The following ICAM5 variants were observed in gnomAD, a reference collection of about 807,000 sequenced individuals.
ICAM5 encodes the protein intercellular adhesion molecule 5, also known as ICAM-5.
A neutral mutation model predicts 78.8 loss-of-function variants in ICAM5; 38 were observed. That is an observed-to-expected ratio of 0.48 (90% CI 0.37 to 0.63). The LOEUF (loss-of-function observed/expected upper bound fraction) is 0.63, where lower values mean the gene tolerates loss of function less well. Among genes scored for constraint, ICAM5 ranks in the 30% least tolerant of loss-of-function variants. ICAM5 has a pLI of 0.00. For missense variants in ICAM5, 1,059 were observed against 1,303.0 expected, an observed-to-expected ratio of 0.81 and a Z score of 2.88; for synonymous variants, 544 against 590.9, an observed-to-expected ratio of 0.92 and a Z score of 1.15.
chr19:10,290,175 T>C lies in ICAM5; in HGVS notation c.82+50T>C, dbSNP rs2040159334. On this transcript the variant is annotated intron_variant, in intron 1 of 10. Transcript: ENST00000221980. This position sits in a 1 kb window ranked among gnomAD's most constrained non-coding sequence, Gnocchi z 5.7. ...GTGGACAGGGCGGGGGCGGAGTCCC[T>C]GGACCTGAGAAACGGCCTCCTGTCC... 1 of 1,364,340 alleles carries C rather than the reference T, an allele frequency of 7.3e-7. No individual in the cohort carries two copies. The allele number at this position is 1,364,340 out of a possible 1,614,324, so 84.5% of individuals were successfully genotyped here. A position where few individuals can be genotyped will look rare whatever the true frequency, so the allele number is the denominator to read the frequency against.
chr19:10,295,267 A>T, intron 9 of ICAM5, 79 bp from the exon 10 acceptor site: 1 of 1,410,714 alleles, frequency 7.1e-7, no homozygotes. Flanking sequence ...TCTCCCATCG[A>T]TCGTTGTGGG....
chr19:10,294,662 T>C lies in ICAM5; in HGVS notation c.2230+22T>C. ...GAATGTGAGTGGGGGCAGCACCGGA[T>C]GGAGGGGACACGGTCCTCGGAAGAA... On this transcript the variant is annotated intron_variant, in intron 9 of 10. Transcript: ENST00000221980. This position sits in a 1 kb window ranked among gnomAD's most constrained non-coding sequence, Gnocchi z 7.7. The C allele has an allele frequency of 6.2e-7, 1 of 1,612,226 alleles. No individual in the cohort carries two copies. Among genetic ancestry groups the C allele is most frequent in the South Asian group, 1.1e-5 (1 of 91,040 alleles).
chr19:10,291,626 C>T lies in ICAM5; in HGVS notation c.490C>T (p.Leu164=). Residue 164 remains leucine, a synonymous_variant, in exon 3 of 11, where the codon CTG becomes TTG. Coordinates refer to ENST00000221980, the MANE Select transcript of ICAM5 (RefSeq NM_003259.4). ...GACCCTGCTGCGGGGCGCCCAGGAG[C>T]TGATCCGCCGCAGCTTCGCCGGTGA... ...TLTLLRGAQE[L]IRRSFAGEPP... is the part of the protein sequence containing the mutation. The T allele has an allele frequency of 1.2e-6, 2 of 1,611,652 alleles. No individual in the cohort carries two copies. Among genetic ancestry groups the T allele is most frequent in the Non-Finnish European group, 1.7e-6 (2 of 1,179,404 alleles).
In ICAM5 at chr19:10,292,741, A is replaced by G. The variant is rs1356446744; in HGVS notation, c.1091A>G (p.Gln364Arg). ...LEGVPAAVPGQPAQLQLNATE... is the reference protein window; with the variant it reads ...LEGVPAAVPGRPAQLQLNATE... ...GGAGTTCCAGCCGCGGTCCCGGGGC[A>G]GCCCGCCCAGCTTCAGCTAAATGCC... The change falls in exon 5 of 11, where the codon CAG becomes CGG. Residue 364 changes from glutamine to arginine, a missense_variant. This residue lies in a region of ICAM5 where 815 missense variants were observed against 952.8 expected (regional missense o/e 0.86). Coordinates refer to ENST00000221980, the MANE Select transcript of ICAM5 (RefSeq NM_003259.4). 1 of 1,613,356 alleles carries G rather than the reference A, an allele frequency of 6.2e-7. No homozygotes were observed. The highest frequency in any genetic ancestry group is 8.5e-7 in the Non-Finnish European group (1 of 1,179,966).
chr19:10,294,674 G>T lies in ICAM5; in HGVS notation c.2230+34G>T, dbSNP rs774416813. 1 of 1,610,364 alleles carries T rather than the reference G, an allele frequency of 6.2e-7. No individual in the cohort carries two copies. Among genetic ancestry groups the T allele is most frequent in the East Asian group, 2.2e-5 (1 of 44,798 alleles). ...GGGCAGCACCGGATGGAGGGGACAC[G>T]GTCCTCGGAAGAATGACTCGCAGCG... is the stretch of plus-strand genomic sequence containing the variant. On this transcript the variant is annotated intron_variant, in intron 9 of 10. Coordinates refer to ENST00000221980, the MANE Select transcript of ICAM5 (RefSeq NM_003259.4). The surrounding 1 kb of genome is among the most constrained non-coding windows in gnomAD (Gnocchi z 7.7).
chr19:10,295,226 G>A lies in ICAM5; in HGVS notation c.2231-120G>A, dbSNP rs908548661. 33 of 1,115,412 alleles carry A rather than the reference G, an allele frequency of 3.0e-5. No homozygotes were observed. The Admixed American group carries it at 1.0e-3, about 34-fold the overall frequency. The allele number at this position is 1,115,412 out of a possible 1,614,324, so 69.1% of individuals were successfully genotyped here. A position where few individuals can be genotyped will look rare whatever the true frequency, so the allele number is the denominator to read the frequency against. ...GGAAGGAGGCTCTGATAGGAGGCAG[G>A]ATCCTCTTCTGCCCATCAGAGGCGC... On this transcript the variant is annotated intron_variant, in intron 9 of 10. Coordinates refer to ENST00000221980, the MANE Select transcript of ICAM5 (RefSeq NM_003259.4).
In ICAM5 at chr19:10,291,671, G is replaced by C. The variant is rs1372335337; in HGVS notation, c.535G>C (p.Ala179Pro). The C allele has an allele frequency of 6.2e-7, 1 of 1,612,420 alleles. No individual in the cohort carries two copies. The highest frequency in any genetic ancestry group is 2.2e-5 in the East Asian group (1 of 44,866). The change falls in exon 3 of 11, where the codon GCG (alanine) becomes CCG (proline). Residue 179 changes from alanine to proline, a missense_variant. Physicochemically the swap from Ala to Pro is conservative, Grantham distance 27. Transcript: ENST00000221980. ...FAGEPPRARG[A>P]VLTATVLARR... ...CGGTGAACCACCCCGAGCGCGGGGC[G>C]CGGTGCTCACAGCCACGGTACTGGC... is the stretch of plus-strand genomic sequence containing the variant.
chr19:10,293,489 T>G lies in ICAM5; in HGVS notation c.1466-209T>G, dbSNP rs1180226264. 6.6e-6 allele frequency among the ~76,000 whole-genome samples: 1 copy of G among 152,064 alleles called. No individual in the cohort carries two copies. The highest frequency in any genetic ancestry group is 1.9e-4 in the East Asian group (1 of 5,184). Reference sequence around the variant, plus strand: ...TGGAAAGGCGGGCAGTCCAGAGTGTTTAAGTTTTTAGACGAAAAAGGCGCC... The same window carrying G: ...TGGAAAGGCGGGCAGTCCAGAGTGTGTAAGTTTTTAGACGAAAAAGGCGCC... On this transcript the variant is annotated intron_variant, in intron 6 of 10. Coordinates refer to ENST00000221980, the MANE Select transcript of ICAM5 (RefSeq NM_003259.4). This position sits in a 1 kb window ranked among gnomAD's most constrained non-coding sequence, Gnocchi z 5.0.
In ICAM5 at chr19:10,290,172, C is replaced by A; in HGVS notation, c.82+47C>A. The A allele has an allele frequency of 7.2e-7, 1 of 1,386,092 alleles. No individual in the cohort carries two copies. Among genetic ancestry groups the A allele is most frequent in the Non-Finnish European group, 9.6e-7 (1 of 1,042,408 alleles). The allele number at this position is 1,386,092 out of a possible 1,614,324, so 85.9% of individuals were successfully genotyped here. On this transcript the variant is annotated intron_variant, in intron 1 of 10. Coordinates refer to ENST00000221980, the MANE Select transcript of ICAM5 (RefSeq NM_003259.4). This position sits in a 1 kb window ranked among gnomAD's most constrained non-coding sequence, Gnocchi z 5.7. ...GGGGTGGACAGGGCGGGGGCGGAGT[C>A]CCTGGACCTGAGAAACGGCCTCCTG...
chr19:10,295,565 C>A lies in ICAM5; in HGVS notation c.2450C>A (p.Thr817Asn). 1 of 1,545,714 alleles carries A rather than the reference C, an allele frequency of 6.5e-7. No individual in the cohort carries two copies. Among genetic ancestry groups the A allele is most frequent in the Non-Finnish European group, 8.7e-7 (1 of 1,146,774 alleles). ...SHGGEYECAA[T>N]NAHGRHARRI... ...GGCGGCGAGTACGAGTGCGCAGCCA[C>A]CAACGCGCACGGGCGCCACGCGCGG... is the stretch of plus-strand genomic sequence containing the variant. The change falls in exon 10 of 11, where the codon ACC becomes AAC. Residue 817 changes from threonine (T) to asparagine (N), a missense_variant. Coordinates refer to ENST00000221980, the MANE Select transcript of ICAM5 (RefSeq NM_003259.4).
chr19:10,296,377 G>A lies in ICAM5; in HGVS notation c.2536G>A (p.Gly846Ser), dbSNP rs1415947714. 1.6e-6 allele frequency: 2 copies of A among 1,256,608 alleles called. No individual in the cohort carries two copies. Among genetic ancestry groups the A allele is most frequent in the South Asian group, 3.2e-5 (1 of 30,992 alleles). The allele number at this position is 1,256,608 out of a possible 1,614,324, so 77.8% of individuals were successfully genotyped here. The part of the protein sequence containing the change: ...LWVAVGGAAG[G>S]AALLAAGAGL... ...GGTCGCCGTGGGCGGCGCGGCGGGG[G>A]GCGCGGCGCTGCTGGCCGCGGGGGC... The change falls in exon 11 of 11, where the codon GGC becomes AGC. Residue 846 changes from glycine (G) to serine (S), a missense_variant. This residue lies in a region of ICAM5 where 109 missense variants were observed against 120.0 expected (regional missense o/e 0.91). Coordinates refer to ENST00000221980, the MANE Select transcript of ICAM5 (RefSeq NM_003259.4).
At position 10,292,764 on chromosome 19, in the gene ICAM5, G is replaced by A. The variant is rs1398333643; in HGVS notation, c.1114G>A (p.Ala372Thr). 6.8e-6 allele frequency: 11 copies of A among 1,612,818 alleles called. No homozygotes were observed. The highest frequency in any genetic ancestry group is 1.3e-5 in the African/African-American group (1 of 74,710). The change falls in exon 5 of 11, where the codon GCC (alanine) becomes ACC (threonine). Residue 372 changes from alanine (A) to threonine (T), a missense_variant. Coordinates refer to ENST00000221980, the MANE Select transcript of ICAM5 (RefSeq NM_003259.4). Reference protein sequence around the residue: ...PGQPAQLQLNATENDDRRSFF... With the variant: ...PGQPAQLQLNTTENDDRRSFF... The stretch of plus-strand genomic sequence containing the variant: ...GCAGCCCGCCCAGCTTCAGCTAAAT[G>A]CCACCGAGAACGACGACAGACGCAG...
rs536342739 is a variant in ICAM5, at chr19:10,293,805, A to T, written c.1573A>T (p.Ile525Phe). 4.2e-5 allele frequency: 68 copies of T among 1,613,604 alleles called. No homozygotes were observed. In the South Asian group the frequency reaches 6.6e-4, roughly 16 times the overall value. Residue 525 changes from isoleucine to phenylalanine, a missense_variant, in exon 7 of 11, where the codon ATC (isoleucine) becomes TTC (phenylalanine). Ile to Phe is a conservative substitution (Grantham distance 21, BLOSUM62 0). This residue lies in a region of ICAM5 where 815 missense variants were observed against 952.8 expected (regional missense o/e 0.86). Transcript: ENST00000221980. This position sits in a 1 kb window ranked among gnomAD's most constrained non-coding sequence, Gnocchi z 5.0. ...GCACGGGGTACCGCCGCCTGATGTG[A>T]TCTGCGTGCGCTCTGGAGAACTCGG... Reference protein sequence around the residue: ...VAHGVPPPDVICVRSGELGAV... With the variant: ...VAHGVPPPDVFCVRSGELGAV...
Position 10,291,517 on chromosome 19 carries a change from G to T in ICAM5, c.381G>T (p.Pro127=), listed in dbSNP as rs527934682. Residue 127 remains proline (P), a synonymous_variant, in exon 3 of 11, where the codon CCG becomes CCT. Transcript: ENST00000221980. ...GACCAGATCGCGTAGAGCTGATGCCGCTGCCTCCCTGGCAGCCGGTGGGCG... is the reference window on the plus strand; with the variant it reads ...GACCAGATCGCGTAGAGCTGATGCCTCTGCCTCCCTGGCAGCCGGTGGGCG... The part of the protein sequence containing the change: ...FQRPDRVELM[P]LPPWQPVGEN... The T allele has an allele frequency of 1.2e-6, 2 of 1,612,552 alleles. No individual in the cohort carries two copies. The highest frequency in any genetic ancestry group is 1.1e-5 in the South Asian group (1 of 91,088).
In ICAM5 at chr19:10,291,057, C is replaced by G; in HGVS notation, c.83-15C>G. The G allele has an allele frequency of 1.3e-6, 2 of 1,597,980 alleles. No individual in the cohort carries two copies. Among genetic ancestry groups the G allele is most frequent in the South Asian group, 1.1e-5 (1 of 89,650 alleles). On this transcript the variant is annotated splice_polypyrimidine_tract_variant and intron_variant, in intron 1 of 10. Transcript: ENST00000221980. Reference sequence around the variant, plus strand: ...GAGTTGGCTCCCCAGGCTCAGCCCGCGTTTCCCTGGGCAGCGGTCTCGCAG... The same window carrying G: ...GAGTTGGCTCCCCAGGCTCAGCCCGGGTTTCCCTGGGCAGCGGTCTCGCAG...
rs1472450876 is a variant in ICAM5 at position 10,293,007 on chromosome 19, G to A, written c.1226G>A (p.Arg409Gln). 2.5e-6 allele frequency: 4 copies of A among 1,611,108 alleles called. No homozygotes were observed. The highest frequency in any genetic ancestry group is 3.4e-6 in the Non-Finnish European group (4 of 1,179,998). Residue 409 changes from arginine to glutamine, a missense_variant, in exon 6 of 11, where the codon CGG (arginine) becomes CAG (glutamine). Physicochemically the swap from Arg to Gln is conservative, Grantham distance 43. Coordinates refer to ENST00000221980, the MANE Select transcript of ICAM5 (RefSeq NM_003259.4). This position sits in a 1 kb window ranked among gnomAD's most constrained non-coding sequence, Gnocchi z 5.0. ...CACGCCCTGCCCGCAGACGCTCCCC[G>A]GCTAGACGATTCGGACTGCCCCAGG... is the stretch of plus-strand genomic sequence containing the variant. ...SAELRVLYAP[R>Q]LDDSDCPRSW...
Position 10,294,001 on chromosome 19 carries a change from C to G in ICAM5, c.1712-39C>G, listed in dbSNP as rs769964078. ...CTGTGGGACAACCCCGGCTGGACTT[C>G]CTGGCCCCCGTGTGAGCCCCTGCAA... is the stretch of plus-strand genomic sequence containing the variant. On this transcript the variant is annotated intron_variant, in intron 7 of 10. Transcript: ENST00000221980. The surrounding 1 kb of genome is among the most constrained non-coding windows in gnomAD (Gnocchi z 7.7). 9 of 1,592,988 alleles carry G rather than the reference C, an allele frequency of 5.6e-6. No individual in the cohort carries two copies. In the East Asian group the frequency reaches 1.1e-4, roughly 20 times the overall value.
rs1199858581 is a variant in ICAM5 at position 10,290,017 on chromosome 19, G to T, written c.-27G>T. ...CAGCTCCTCGGCTCGCGCTCTCCTC[G>T]CCTCCTGTGCTTTCCCCGCCGCGGC... On this transcript the variant is annotated 5_prime_UTR_variant, in exon 1 of 11. Transcript: ENST00000221980. The surrounding 1 kb of genome is among the most constrained non-coding windows in gnomAD (Gnocchi z 5.7). 2 of 1,529,958 alleles carry T rather than the reference G, an allele frequency of 1.3e-6. No homozygotes were observed. The highest frequency in any genetic ancestry group is 1.4e-5 in the African/African-American group (1 of 72,366). The allele number at this position is 1,529,958 out of a possible 1,614,324, so 94.8% of individuals were successfully genotyped here.
Position 10,293,188 on chromosome 19 carries a change from C to A in ICAM5, c.1407C>A (p.Arg469=). Residue 469 remains arginine (R), a synonymous_variant, in exon 6 of 11, where the codon CGC becomes CGA. Coordinates refer to ENST00000221980, the MANE Select transcript of ICAM5 (RefSeq NM_003259.4). This position sits in a 1 kb window ranked among gnomAD's most constrained non-coding sequence, Gnocchi z 5.0. Reference sequence around the variant, plus strand: ...CTCGGGCGCTCTCAGGCACTTACCGCTGCAAGGCGGCCAATGATCAAGGCG... The same window carrying A: ...CTCGGGCGCTCTCAGGCACTTACCGATGCAAGGCGGCCAATGATCAAGGCG... ...PVTRALSGTY[R]CKAANDQGEA... is the part of the protein sequence containing the mutation. 1.2e-6 allele frequency: 2 copies of A among 1,609,882 alleles called. No homozygotes were observed. The highest frequency in any genetic ancestry group is 1.7e-4 in the Middle Eastern group (1 of 6,052).
Sources: gnomAD v4.1 joint callset for allele counts (sites outside exome capture counted in the v4.1 genomes callset) on GRCh38, gnomAD v4.1.1 for gene constraint, gnomAD v4.1.1 regional missense constraint, Gnocchi (gnomAD v3.1) non-coding constraint, MANE v1.5 for transcripts, NCBI Gene and HGNC (gene_info 2026-07-23, HGNC 2026-07-21) for gene names.